Variants in GARS1 observed in about 807,000 individuals in gnomAD.
GARS1 encodes the protein glycyl-tRNA synthetase 1.
In GARS1, 46 loss-of-function variants were observed where a neutral mutation model predicts 86.4. That is an observed-to-expected ratio of 0.53 (90% confidence interval 0.42 to 0.68). The LOEUF (loss-of-function observed/expected upper bound fraction) is 0.68, where lower values mean the gene tolerates loss of function less well. GARS1 is among the 30% of genes least tolerant of loss of function. The pLI is 0.00. For synonymous variants in GARS1, 342 were observed against 329.8 expected (o/e 1.04, Z -0.40); for missense variants, 797 against 915.6 (o/e 0.87, Z 1.67).
intron 9 of GARS1, among the ~76,000 whole-genome samples, chr7:30,616,409 ACT>A (rs372025154): frequency 1.6e-4 from 24 of 152,232 alleles, no homozygotes; most frequent in African/African-American, 5.8e-4. Flanking sequence ...TGGGTTTCAG[ACT>A]CTTCTGTATT....
chr7:30,607,655 C>T (rs1791511215), intron 6 of GARS1, among the ~76,000 whole-genome samples: 1 of 152,040 alleles, frequency 6.6e-6, no homozygotes, highest in Admixed American at 6.5e-5. Flanking sequence ...ATGTATCAAA[C>T]CTGCATGTTG....
chr7:30,627,094 C>T (rs750389503), intron 13 of GARS1: 2 of 464,372 alleles, frequency 4.3e-6, no homozygotes, highest in African/African-American at 2.0e-5. Flanking sequence ...TAATTTGGAG[C>T]ACGTATGAAG....
chr7:30,615,690 A>G (rs1782877088), intron 8 of GARS1, among the ~76,000 whole-genome samples: 2 of 152,256 alleles, frequency 1.3e-5, no homozygotes, highest in African/African-American at 4.8e-5. Flanking sequence ...CATCAAAAAA[A>G]TAAAAATAAC....
At position 30,609,586 on chromosome 7, in the gene GARS1, T is replaced by G. The variant is rs200437855; in HGVS notation, c.737T>G (p.Leu246Arg). ...KSEMESVLAQLDNYGQQELAD... is the reference protein window; with the variant it reads ...KSEMESVLAQRDNYGQQELAD... ...CTAATTTCTTTATATGTCTTTTAGC[T>G]TGATAACTATGGACAGCAAGAACTT... The change falls in exon 7 of 17, where the codon CTT becomes CGT. Residue 246 changes from leucine to arginine, a missense_variant and splice_region_variant. Around this residue, in one of 2 missense-constraint regions of GARS1, gnomAD observed 598 missense variants for 738.7 expected, o/e 0.81. Transcript: ENST00000389266. 6.2e-7 allele frequency: 1 copy of G among 1,612,326 alleles called. No homozygotes were observed. The highest frequency in any genetic ancestry group is 8.5e-7 in the Non-Finnish European group (1 of 1,178,698).
chr7:30,601,303 C>A, intron 4 of GARS1, 103 bp downstream of exon 4: 2 of 1,043,692 alleles, frequency 1.9e-6, no homozygotes, highest in Non-Finnish European at 2.7e-6. Context: ...TAAAGAACTA[C>A]TCATTTCATG....
intron 7 of GARS1, 32 bp downstream of exon 7, chr7:30,609,762 T>C (rs1791560693): frequency 1.9e-6 from 3 of 1,608,262 alleles, no homozygotes; most frequent in Non-Finnish European, 2.6e-6. Context: ...CCTGTTTATG[T>C]AATGAAGTTT....
chr7:30,621,567 A>T (rs1783007894), intron 11 of GARS1, 67 bp downstream of exon 11: 1 of 1,110,364 alleles, frequency 9.0e-7, no homozygotes, highest in African/African-American at 1.5e-5. Context: ...GAATAAGTCC[A>T]AGTCTTTACC....
At chr7:30,598,998 A>T in intron 2 of GARS1, 101 bp downstream of exon 2, 1 of 905,658 alleles carries the variant, frequency 1.1e-6, no homozygotes, top group Non-Finnish European at 1.8e-6. Flanking sequence ...CTGAACAAGT[A>T]TCATTTGGTT....
intron 12 of GARS1, among the ~76,000 whole-genome samples, chr7:30,623,358 A>AT (rs1171392532): frequency 6.6e-6 from 1 of 152,176 alleles, no homozygotes; most frequent in Non-Finnish European, 1.5e-5. Context: ...AAAGGAAAAC[A>AT]TTAACATGTG....
intron 2 of GARS1, 22 bp downstream of exon 2, chr7:30,598,919 T>C (rs1415113895): frequency 1.9e-6 from 3 of 1,566,186 alleles, no homozygotes; most frequent in South Asian, 1.1e-5. Context: ...GATGCTAAAA[T>C]AGGAACATAA....
Position 30,603,493 on chromosome 7 carries a change from C to CA in GARS1, c.659-2dup, listed in dbSNP as rs1240907116. 2 of 1,611,084 alleles carry CA rather than the reference C, an allele frequency of 1.2e-6. No individual in the cohort carries two copies. ...TTGATATATGTCAACACTGTTCTTA[C>CA]AGCTCATTTACAGAAATTGATGTCT... On this transcript the variant is annotated splice_polypyrimidine_tract_variant and splice_region_variant and intron_variant, in intron 5 of 16. Coordinates refer to ENST00000389266, the MANE Select transcript of GARS1 (RefSeq NM_002047.4).
intron 4 of GARS1, among the ~76,000 whole-genome samples, chr7:30,601,814 T>A (rs1283584473): frequency 6.6e-6 from 1 of 152,204 alleles, no homozygotes; most frequent in Non-Finnish European, 1.5e-5. Context: ...AGTCTTGCTC[T>A]GTCGCCCAAG....
chr7:30,605,629 G>A (rs1791468497), intron 6 of GARS1, among the ~76,000 whole-genome samples: 1 of 152,132 alleles, frequency 6.6e-6, no homozygotes, highest in East Asian at 1.9e-4. Flanking sequence ...GAATCCTCCT[G>A]TCTGGGCCTC....
intron 10 of GARS1, among the ~76,000 whole-genome samples, chr7:30,619,909 C>G (rs1782969283): frequency 6.6e-6 from 1 of 151,532 alleles, no homozygotes; most frequent in Non-Finnish European, 1.5e-5. Context: ...TCCCAAATAG[C>G]TGGGATTACA....
chr7:30,633,629 T>G, intron 16 of GARS1, 106 bp from the exon 17 acceptor site: 437 of 1,344,236 alleles, frequency 3.3e-4, no homozygotes, highest in Non-Finnish European at 4.2e-4. Context: ...ATGCCTGGCA[T>G]GACATTGTTT....
At chr7:30,622,649 A>AC (rs1162050599) in intron 12 of GARS1, 187 bp downstream of exon 12, 1 of 649,548 alleles carries the variant, frequency 1.5e-6, no homozygotes, top group Non-Finnish European at 2.6e-6. Flanking sequence ...AATAGAATAT[A>AC]CTTTTTTTTT....
At chr7:30,633,684 A>G (rs1380765918) in intron 16 of GARS1, 51 bp from the exon 17 acceptor site, 29 of 1,603,034 alleles carry the variant, frequency 1.8e-5, no homozygotes, top group Non-Finnish European at 2.4e-5. Context: ...TCTTCTTCTT[A>G]AAAATCTGAA....
In GARS1 at chr7:30,632,565, T is replaced by A; in HGVS notation, c.2094+128T>A. On this transcript the variant is annotated intron_variant, in intron 16 of 16. Coordinates refer to ENST00000389266, the MANE Select transcript of GARS1 (RefSeq NM_002047.4). The surrounding 1 kb of genome is among the most constrained non-coding windows in gnomAD (Gnocchi z 4.1). Reference sequence around the variant, plus strand: ...TTCTTTTTAATTTTAATGAACGGCTTGTATCAGACAGAGCCCAGATTCTCA... The same window carrying A: ...TTCTTTTTAATTTTAATGAACGGCTAGTATCAGACAGAGCCCAGATTCTCA... 3.2e-6 allele frequency: 3 copies of A among 951,176 alleles called. No homozygotes were observed. Among genetic ancestry groups the A allele is most frequent in the Non-Finnish European group, 4.9e-6 (3 of 612,644 alleles). The allele number at this position is 951,176 out of a possible 1,614,324, so 58.9% of individuals were successfully genotyped here. A position where few individuals can be genotyped will look rare whatever the true frequency, so the allele number is the denominator to read the frequency against.
At position 30,628,653 on chromosome 7, in the gene GARS1, G is replaced by A; in HGVS notation, c.1793G>A (p.Gly598Glu). 1 of 1,606,790 alleles carries A rather than the reference G, an allele frequency of 6.2e-7. No individual in the cohort carries two copies. The highest frequency in any genetic ancestry group is 8.5e-7 in the Non-Finnish European group (1 of 1,173,522). The change falls in exon 14 of 17, where the codon GGA (glycine) becomes GAA (glutamate). Residue 598 changes from glycine (G) to glutamate (E), a missense_variant. By Grantham distance (98) the Gly-to-Glu change is moderately conservative. Transcript: ENST00000389266. ...GAACATACATTCCATGTACGAGAAG[G>A]AGATGAACAGAGAACAGTAAGTTGT... The part of the protein sequence containing the change: ...VFEHTFHVRE[G>E]DEQRTFFSFP...
Sources: allele counts gnomAD v4.1 joint callset (sites outside exome capture counted in the v4.1 genomes callset), GRCh38; gene constraint gnomAD v4.1.1; regional missense constraint gnomAD v4.1.1; non-coding constraint Gnocchi (gnomAD v3.1); transcripts MANE v1.5; gene names NCBI Gene and HGNC (gene_info 2026-07-23, HGNC 2026-07-21).